RTP2: variants seen among roughly 807,000 people sequenced by gnomAD.
RTP2 encodes the protein receptor-transporting protein 2.
Under a neutral mutation model 17.9 loss-of-function variants are expected in RTP2, and 12 were observed. That is an observed-to-expected ratio of 0.67 (90% CI 0.43 to 1.09). The LOEUF is 1.09. Ranked by LOEUF, RTP2 falls within the 50% of genes least tolerant of loss-of-function variation. The pLI is 0.00. For missense variants in RTP2, 327 were observed against 295.7 expected, an observed-to-expected ratio of 1.11 and a Z score of -0.78; for synonymous variants, 126 against 117.7, an observed-to-expected ratio of 1.07 and a Z score of -0.46.
chr3:187,703,248 G>A (rs9821619), upstream of RTP2, among the ~76,000 whole-genome samples: 58,336 of 152,010 alleles, frequency 0.38, 12,236 homozygotes, highest in African/African-American at 0.57. Flanking sequence ...TCTTTAACCC[G>A]GAAGTCTGGA....
chr3:187,701,743 C>A (rs180932942), intron 1 of RTP2, among the ~76,000 whole-genome samples: 2 of 152,216 alleles, frequency 1.3e-5, no homozygotes, highest in Non-Finnish European at 2.9e-5. Context: ...CAACTAAGAC[C>A]CAAAGATGGA....
intron 1 of RTP2, among the ~76,000 whole-genome samples, chr3:187,700,200 C>T (rs918325494): frequency 6.6e-6 from 1 of 152,196 alleles, no homozygotes; most frequent in Non-Finnish European, 1.5e-5. Context: ...GAGGTGAGGC[C>T]AAGCCTGGCT....
chr3:187,711,930 A>C, the RTP2 span, among the ~76,000 whole-genome samples: 449 of 152,312 alleles, frequency 2.9e-3, 4 homozygotes, highest in African/African-American at 0.01. Context: ...ATTCTCAAAA[A>C]GACAAAATTA....
chr3:187,713,523 G>T, the RTP2 span, among the ~76,000 whole-genome samples: 2 of 144,496 alleles, frequency 1.4e-5, no homozygotes, highest in Non-Finnish European at 3.0e-5. Context: ...AAGAACGCTG[G>T]TTACAGAATC....
exon 1 of RTP2, chr3:187,702,026 G>A: frequency 6.2e-7 from 1 of 1,613,522 alleles, no homozygotes; most frequent in South Asian, 1.1e-5. Flanking sequence ...CTGGGCTTGA[G>A]GTTGGGGTCT....
chr3:187,713,522 G>C, the RTP2 span, among the ~76,000 whole-genome samples: 1 of 152,186 alleles, frequency 6.6e-6, no homozygotes, highest in Non-Finnish European at 1.5e-5. Flanking sequence ...CAAGAACGCT[G>C]GTTACAGAAT....
chr3:187,715,396 T>C, the RTP2 span, among the ~76,000 whole-genome samples: 1 of 148,042 alleles, frequency 6.8e-6, no homozygotes, highest in Admixed American at 6.7e-5. Context: ...TGTTCATTGA[T>C]ATAAGGTTCC....
At chr3:187,699,102 C>T in intron 1 of RTP2, 91 bp from the exon 2 acceptor site, 9 of 1,421,502 alleles carry the variant, frequency 6.3e-6, no homozygotes, top group Admixed American at 2.7e-5. Flanking sequence ...AGCCTGTGTG[C>T]CCGTGCTTGG....
intron 1 of RTP2, among the ~76,000 whole-genome samples, chr3:187,701,602 C>T (rs1044935943): frequency 6.6e-6 from 1 of 152,198 alleles, no homozygotes; most frequent in East Asian, 1.9e-4. Context: ...GTACCCCCTG[C>T]ATTCCCCCAA....
chr3:187,712,798 C>T, the RTP2 span, among the ~76,000 whole-genome samples: 2 of 152,192 alleles, frequency 1.3e-5, no homozygotes, highest in African/African-American at 4.8e-5. Flanking sequence ...TCTCCTACCT[C>T]CATCACTCAG....
At chr3:187,704,791 G>T (rs371039883), upstream of RTP2, among the ~76,000 whole-genome samples, 76 of 152,268 alleles carry the variant, frequency 5.0e-4, no homozygotes, top group African/African-American at 1.8e-3. Context: ...CGACAGCATG[G>T]TCCAAGCTCC....
chr3:187,715,483 T>A, the RTP2 span: 1 of 334,344 alleles, frequency 3.0e-6, no homozygotes, highest in African/African-American at 2.2e-5. Context: ...GTGGCAGCAC[T>A]GAGGTTTCTG....
chr3:187,701,999 A>G, exon 1 of RTP2: 1 of 1,610,748 alleles, frequency 6.2e-7, no homozygotes, highest in East Asian at 2.2e-5. Flanking sequence ...TACTGCTTCC[A>G]GCCAGGGGCC....
chr3:187,699,478 G>T (rs1027063733), intron 1 of RTP2, among the ~76,000 whole-genome samples: 3 of 152,118 alleles, frequency 2.0e-5, no homozygotes, highest in South Asian at 2.1e-4. Flanking sequence ...TTACTTTGGG[G>T]AGAAGAGACG....
chr3:187,701,918 G>A, intron 1 of RTP2, 47 bp downstream of exon 1: 1 of 1,511,376 alleles, frequency 6.6e-7, no homozygotes, highest in Non-Finnish European at 8.9e-7. Context: ...CCCCACAGCT[G>A]TGACCCAGGG....
At chr3:187,712,319 T>C in the RTP2 span, among the ~76,000 whole-genome samples, 4 of 152,184 alleles carry the variant, frequency 2.6e-5, no homozygotes, top group African/African-American at 9.7e-5. Flanking sequence ...TGTGAGTCCA[T>C]AATTATTTAA....
chr3:187,701,887 T>C (rs1477810874), intron 1 of RTP2, 78 bp downstream of exon 1: 13 of 1,297,834 alleles, frequency 1.0e-5, no homozygotes, highest in African/African-American at 1.5e-5. Context: ...GCGACTGGGC[T>C]CTGTCTCTCC....
chr3:187,711,429 C>G, the RTP2 span, among the ~76,000 whole-genome samples: 2 of 152,112 alleles, frequency 1.3e-5, no homozygotes, highest in Admixed American at 1.3e-4. Context: ...CTTGTTTGAC[C>G]CATGAGTTGT....
chr3:187,702,247 G>A, exon 1 of RTP2: 1 of 1,013,460 alleles, frequency 9.9e-7, no homozygotes. Flanking sequence ...AGGACTGGGA[G>A]TAAACAGGAC....
Sources: gnomAD v4.1 joint callset for allele counts (sites outside exome capture counted in the v4.1 genomes callset) on GRCh38, gnomAD v4.1.1 for gene constraint, MANE v1.5 for transcripts, NCBI Gene and HGNC (gene_info 2026-07-23, HGNC 2026-07-21) for gene names.